CTSO: variants seen among roughly 807,000 people sequenced by gnomAD.
CTSO encodes the protein cathepsin O.
In CTSO, 40 loss-of-function variants were observed where a neutral mutation model predicts 42.4. That is an observed-to-expected ratio of 0.94 (90% CI 0.73 to 1.23). The LOEUF (loss-of-function observed/expected upper bound fraction) is 1.23. Ranked by LOEUF, CTSO falls within the 50% of genes most tolerant of loss-of-function variation. CTSO has a pLI of 0.00. For missense variants in CTSO, 441 were observed against 396.0 expected (o/e 1.11, Z -0.96); for synonymous variants, 156 against 146.2 (o/e 1.07, Z -0.48).
intron 1 of CTSO, among the ~76,000 whole-genome samples, chr4:155,951,778 C>T (rs768994304): frequency 2.6e-5 from 4 of 152,130 alleles, no homozygotes; most frequent in Non-Finnish European, 5.9e-5. Flanking sequence ...AGGCCCTTTC[C>T]ACCTTTCCCA....
chr4:155,928,291 C>T, intron 7 of CTSO, 45 bp downstream of exon 7: 2 of 1,364,322 alleles, frequency 1.5e-6, no homozygotes, highest in Non-Finnish European at 1.0e-6. Flanking sequence ...CAAATAATCT[C>T]CTTAATATTT....
At position 155,953,697 on chromosome 4, in the gene CTSO, G is replaced by A; in HGVS notation, c.135+16C>T. 1 of 1,259,710 alleles carries A rather than the reference G, an allele frequency of 7.9e-7. No individual in the cohort carries two copies. Among genetic ancestry groups the A allele is most frequent in the Non-Finnish European group, 1.0e-6 (1 of 1,002,532 alleles). The allele number at this position is 1,259,710 out of a possible 1,614,324, so 78.0% of individuals were successfully genotyped here. A position where few individuals can be genotyped will look rare whatever the true frequency, so the allele number is the denominator to read the frequency against. ...AGGGAGCAGGGACAGATCCCGGGGA[G>A]GCGCGCGCTCGGTACCCGGAAGGCG... On this transcript the variant is annotated intron_variant, in intron 1 of 7. Coordinates refer to ENST00000433477, the MANE Select transcript of CTSO (RefSeq NM_001334.3).
chr4:155,947,227 C>A (rs1743564378), intron 1 of CTSO, among the ~76,000 whole-genome samples: 1 of 152,156 alleles, frequency 6.6e-6, no homozygotes, highest in South Asian at 2.1e-4. Flanking sequence ...ATATAATCAA[C>A]CTCTCTGAGC....
intron 5 of CTSO, among the ~76,000 whole-genome samples, chr4:155,933,433 C>T (rs1479620577): frequency 6.6e-6 from 1 of 152,054 alleles, no homozygotes; most frequent in South Asian, 2.1e-4. Flanking sequence ...TGAAAATGGA[C>T]TCATAGTAAA....
intron 6 of CTSO, 138 bp from the exon 7 acceptor site, chr4:155,928,566 C>A (rs905989004): frequency 1.7e-6 from 1 of 601,150 alleles, no homozygotes; most frequent in African/African-American, 1.9e-5. Flanking sequence ...TTAATGGTAA[C>A]TTAAACTACT....
At position 155,953,825 on chromosome 4, in the gene CTSO, C is replaced by A. The variant is rs1252413661; in HGVS notation, c.23G>T (p.Trp8Leu). MDVRALP[W>L]LPWLLWLLCR... ...CAGCAGCCACAGCAGCCACGGCAGC[C>A]ACGGCAGCGCCCGCACGTCCATTGC... is the stretch of plus-strand genomic sequence containing the variant. Residue 8 changes from tryptophan (W) to leucine (L), a missense_variant, in exon 1 of 8, where the codon TGG becomes TTG. By Grantham distance (61) the Trp-to-Leu change is moderately conservative. Coordinates refer to ENST00000433477, the MANE Select transcript of CTSO (RefSeq NM_001334.3). 3.8e-6 allele frequency: 5 copies of A among 1,314,522 alleles called. No homozygotes were observed. The African/African-American group carries it at 6.1e-5, about 16-fold the overall frequency. 81.4% of individuals were successfully genotyped at this position (1,314,522 alleles called of 1,614,324 possible).
At chr4:155,934,036 G>A (rs1352348531) in intron 5 of CTSO, among the ~76,000 whole-genome samples, 2 of 152,190 alleles carry the variant, frequency 1.3e-5, no homozygotes, top group Admixed American at 6.5e-5. Flanking sequence ...ATGTCTTCAG[G>A]TTATGTCAGA....
intron 7 of CTSO, among the ~76,000 whole-genome samples, chr4:155,927,966 A>G (rs1164670888): frequency 6.6e-6 from 1 of 152,158 alleles, no homozygotes; most frequent in East Asian, 1.9e-4. Flanking sequence ...CAGATATTAT[A>G]ATACAGAAAT....
chr4:155,952,574 G>A (rs1371521837), intron 1 of CTSO, among the ~76,000 whole-genome samples: 1 of 152,220 alleles, frequency 6.6e-6, no homozygotes, highest in Non-Finnish European at 1.5e-5. Context: ...GTTCTTGAAA[G>A]AGTAAGAGGA....
At chr4:155,932,796 C>G (rs1005996786) in intron 5 of CTSO, among the ~76,000 whole-genome samples, 3 of 152,188 alleles carry the variant, frequency 2.0e-5, no homozygotes, top group Non-Finnish European at 4.4e-5. Context: ...CACCCCATTA[C>G]CAGTCTTTCC....
At chr4:155,933,014 T>C (rs1045321037) in intron 5 of CTSO, among the ~76,000 whole-genome samples, 1 of 152,122 alleles carries the variant, frequency 6.6e-6, no homozygotes, top group Admixed American at 6.5e-5. Flanking sequence ...GGGGTATTAA[T>C]CTATACATAC....
chr4:155,940,819 G>A (rs1743416918), intron 3 of CTSO, among the ~76,000 whole-genome samples: 1 of 150,918 alleles, frequency 6.6e-6, no homozygotes, highest in Admixed American at 6.6e-5. Context: ...CTCCAGCCTG[G>A]GTGACAGAGT....
intron 1 of CTSO, among the ~76,000 whole-genome samples, chr4:155,945,023 G>A (rs1743515694): frequency 6.7e-6 from 1 of 149,948 alleles, no homozygotes; most frequent in Non-Finnish European, 1.5e-5. Flanking sequence ...TTGGGAGGCT[G>A]AGGTCGGTGG....
At chr4:155,930,597 A>G (rs1484455970) in intron 5 of CTSO, among the ~76,000 whole-genome samples, 1 of 152,178 alleles carries the variant, frequency 6.6e-6, no homozygotes, top group African/African-American at 2.4e-5. Flanking sequence ...TCAAACTATT[A>G]AGATAACATT....
chr4:155,951,245 C>T (rs1743668504), intron 1 of CTSO, among the ~76,000 whole-genome samples: 1 of 151,958 alleles, frequency 6.6e-6, no homozygotes, highest in African/African-American at 2.4e-5. Flanking sequence ...TTATTGGATC[C>T]AATATTGGGT....
At chr4:155,933,682 T>C (rs895859265) in intron 5 of CTSO, among the ~76,000 whole-genome samples, 21 of 152,224 alleles carry the variant, frequency 1.4e-4, no homozygotes, top group Admixed American at 1.3e-3. Context: ...ATGAGAAACT[T>C]GTGGGAAATG....
intron 1 of CTSO, among the ~76,000 whole-genome samples, chr4:155,951,979 T>C (rs1039280442): frequency 6.6e-5 from 10 of 152,088 alleles, no homozygotes; most frequent in Non-Finnish European, 1.2e-4. Context: ...ACCACTAAGG[T>C]AGAAAATCGG....
intron 1 of CTSO, among the ~76,000 whole-genome samples, chr4:155,946,549 T>C (rs1157211908): frequency 6.6e-6 from 1 of 152,194 alleles, no homozygotes; most frequent in African/African-American, 2.4e-5. Context: ...GGCACTAGTG[T>C]CTGCAGGACT....
intron 1 of CTSO, among the ~76,000 whole-genome samples, chr4:155,949,516 C>T (rs1743608251): frequency 6.6e-6 from 1 of 152,122 alleles, no homozygotes; most frequent in Non-Finnish European, 1.5e-5. Context: ...ACCTAAGGTA[C>T]TTTGGAAGCT....
Sources: gnomAD v4.1 joint callset for allele counts (sites outside exome capture counted in the v4.1 genomes callset) on GRCh38, gnomAD v4.1.1 for gene constraint, MANE v1.5 for transcripts, NCBI Gene and HGNC (gene_info 2026-07-23, HGNC 2026-07-21) for gene names.